The following MRTFA variants were observed in gnomAD, a reference collection of about 807,000 sequenced individuals.
MRTFA encodes the protein myocardin-related transcription factor A.
A neutral mutation model predicts 83.5 loss-of-function variants in MRTFA; 20 were observed. That is an observed-to-expected ratio of 0.24 (90% CI 0.17 to 0.35). The LOEUF is 0.35. Among genes scored for constraint, MRTFA ranks in the 10% least tolerant of loss-of-function variants. The pLI is 1.00. For missense variants in MRTFA, 1,200 were observed against 1,224.7 expected (o/e 0.98, Z 0.30); for synonymous variants, 659 against 541.2 (o/e 1.22, Z -3.02).
At chr22:40,507,911 C>T (rs984127363) in intron 3 of MRTFA, among the ~76,000 whole-genome samples, 13 of 134,636 alleles carry the variant, frequency 9.7e-5, no homozygotes, top group Non-Finnish European at 1.7e-4. Context: ...TGCAGTGAGC[C>T]GAGATCAAGC....
At chr22:40,615,957 T>C (rs1022251237) in intron 1 of MRTFA, among the ~76,000 whole-genome samples, 1 of 152,222 alleles carries the variant, frequency 6.6e-6, no homozygotes, top group Non-Finnish European at 1.5e-5. Flanking sequence ...AGTGCTGGGA[T>C]TACAGGCGTG....
At chr22:40,617,396 A>G (rs964892262) in intron 1 of MRTFA, among the ~76,000 whole-genome samples, 6 of 152,168 alleles carry the variant, frequency 3.9e-5, no homozygotes, top group Admixed American at 2.6e-4. Flanking sequence ...ATTGAAAAGG[A>G]GCTAGCAAAA....
At chr22:40,468,577 A>G (rs1402148388) in intron 3 of MRTFA, among the ~76,000 whole-genome samples, 2 of 152,196 alleles carry the variant, frequency 1.3e-5, no homozygotes, top group Non-Finnish European at 2.9e-5. Context: ...TCTTTTTCTC[A>G]TGAAACTTCT....
intron 3 of MRTFA, among the ~76,000 whole-genome samples, chr22:40,514,860 C>A (rs1468772112): frequency 3.3e-5 from 5 of 151,634 alleles, no homozygotes; most frequent in African/African-American, 1.2e-4. Context: ...GGTTGAAGGA[C>A]CTGGACACAG....
rs889369672 is a variant in MRTFA, at chr22:40,538,575, A to AT, written c.241+13530dup. 2.1e-3 allele frequency among the ~76,000 whole-genome samples: 153 copies of AT among 71,540 alleles called. 2 individuals are homozygous for AT. Among genetic ancestry groups the AT allele is most frequent in the African/African-American group, 7.5e-3 (125 of 16,656 alleles). The allele number at this position is 71,540 out of a possible 152,430, so 46.9% of individuals were successfully genotyped here. ...CCAAGAATTATCAATAAAAAAATAA[A>AT]TTAAAAAAAAAATTAAACAAGAAGC... On this transcript the variant is annotated intron_variant, in intron 3 of 14. Coordinates refer to ENST00000355630, the MANE Select transcript of MRTFA (RefSeq NM_020831.6).
At chr22:40,608,516 T>C (rs1040682527) in intron 1 of MRTFA, among the ~76,000 whole-genome samples, 15 of 152,224 alleles carry the variant, frequency 9.9e-5, no homozygotes, top group African/African-American at 3.6e-4. Context: ...CCAGGTGCTG[T>C]AGATGTGACC....
chr22:40,545,433 CT>C (rs1193828918), intron 3 of MRTFA, among the ~76,000 whole-genome samples: 326 of 142,672 alleles, frequency 2.3e-3, no homozygotes, highest in Admixed American at 2.7e-3. Flanking sequence ...CACTGAATTC[CT>C]TTTTTTTTTT....
At chr22:40,600,255 A>T (rs772993293) in intron 1 of MRTFA, among the ~76,000 whole-genome samples, 1 of 152,162 alleles carries the variant, frequency 6.6e-6, no homozygotes, top group African/African-American at 2.4e-5. Context: ...GGAGGCAGAA[A>T]TGCGAATCCA....
Position 40,476,944 on chromosome 22 carries a change from T to A in MRTFA, c.242-13658A>T, listed in dbSNP as rs372544333. Among the ~76,000 whole-genome samples, 134 of 152,192 alleles carry A rather than the reference T, an allele frequency of 8.8e-4. 2 individuals carry two copies. The South Asian group carries it at 0.027, about 30-fold the overall frequency. ...ATCCTTAACCAGAAAGGGTTTACTG[T>A]CAACTCAACTGATTTCTGGGTAAAG... On this transcript the variant is annotated intron_variant, in intron 3 of 14. Coordinates refer to ENST00000355630, the MANE Select transcript of MRTFA (RefSeq NM_020831.6).
chr22:40,478,984 A>G (rs2054044612), intron 3 of MRTFA, among the ~76,000 whole-genome samples: 1 of 152,152 alleles, frequency 6.6e-6, no homozygotes, highest in African/African-American at 2.4e-5. Context: ...AGTGAATGAT[A>G]CAGGAGTTAA....
At chr22:40,549,057 C>T (rs1426961711) in intron 3 of MRTFA, among the ~76,000 whole-genome samples, 1 of 151,884 alleles carries the variant, frequency 6.6e-6, no homozygotes, top group African/African-American at 2.4e-5. Context: ...ATTTTCCCAC[C>T]CACTGTTTCT....
chr22:40,418,527 G>T lies in MRTFA; in HGVS notation c.2211C>A (p.Ala737=). ...CCTGAGGCCCCAGAAGCAACTGGGG[G>T]GCGGGGACCGGCTCGGGCTCAGGCT... is the stretch of plus-strand genomic sequence containing the variant. The change falls in exon 12 of 15, where the codon GCC becomes GCA. Residue 737 remains alanine (A), a synonymous_variant. Transcript: ENST00000355630. 2 of 1,587,810 alleles carry T rather than the reference G, an allele frequency of 1.3e-6. No homozygotes were observed. The highest frequency in any genetic ancestry group is 1.7e-6 in the Non-Finnish European group (2 of 1,171,470).
rs1204955610 is a variant in MRTFA, at chr22:40,553,207, T to C, written c.-21-840A>G. Among the ~76,000 whole-genome samples the C allele has an allele frequency of 3.3e-5, 5 of 152,278 alleles. No individual in the cohort carries two copies. In the East Asian group the frequency reaches 9.7e-4, roughly 29 times the overall value. The stretch of plus-strand genomic sequence containing the variant: ...ATAAAAGTTTAGAAAATCTGCAGCA[T>C]GATGATGCAATAGAAAACAAAAACT... On this transcript the variant is annotated intron_variant, in intron 2 of 14. Coordinates refer to ENST00000355630, the MANE Select transcript of MRTFA (RefSeq NM_020831.6).
At chr22:40,581,614 T>C (rs1569338638) in intron 2 of MRTFA, among the ~76,000 whole-genome samples, 2 of 152,192 alleles carry the variant, frequency 1.3e-5, no homozygotes, top group Non-Finnish European at 2.9e-5. Context: ...TTCTGTAATA[T>C]TTTTAGTTCT....
intron 9 of MRTFA, among the ~76,000 whole-genome samples, chr22:40,422,739 C>T (rs914428304): frequency 2.0e-5 from 3 of 152,226 alleles, no homozygotes; most frequent in Admixed American, 1.3e-4. Context: ...GCTCCCAGAG[C>T]TAGTGGGGCC....
At chr22:40,448,776 A>G (rs954905779) in intron 4 of MRTFA, among the ~76,000 whole-genome samples, 1 of 152,144 alleles carries the variant, frequency 6.6e-6, no homozygotes, top group Non-Finnish European at 1.5e-5. Context: ...CTTTTGCCAC[A>G]TCCTTTGGCC....
intron 14 of MRTFA, among the ~76,000 whole-genome samples, chr22:40,413,957 G>A (rs2052620048): frequency 2.0e-5 from 3 of 152,164 alleles, no homozygotes; most frequent in African/African-American, 7.2e-5. Context: ...GAAGAAACTG[G>A]AACCCTTGTG....
At chr22:40,519,533 TCCA>T (rs1460193279) in intron 3 of MRTFA, 2 of 1,350,990 alleles carry the variant, frequency 1.5e-6, no homozygotes, top group Non-Finnish European at 2.0e-6. Context: ...CCTCCTTGTG[TCCA>T]AACTGGCTCA....
At chr22:40,488,915 A>G (rs1285213476) in intron 3 of MRTFA, among the ~76,000 whole-genome samples, 3 of 152,202 alleles carry the variant, frequency 2.0e-5, no homozygotes, top group Non-Finnish European at 4.4e-5. Flanking sequence ...TGTGGCTAAC[A>G]TATTGTGTTA....
Sources: allele counts gnomAD v4.1 joint callset (sites outside exome capture counted in the v4.1 genomes callset), GRCh38; gene constraint gnomAD v4.1.1; transcripts MANE v1.5; gene names NCBI Gene and HGNC (gene_info 2026-07-23, HGNC 2026-07-21).